Variants in DIP2A observed in about 807,000 individuals in gnomAD.
DIP2A encodes the protein disco-interacting protein 2 homolog A.
In DIP2A, 85 loss-of-function variants were observed where a neutral mutation model predicts 177.4. The ratio of observed to expected loss-of-function variants is 0.48; its 90% CI spans 0.40 to 0.57. DIP2A has a LOEUF of 0.57. Ranked by LOEUF, DIP2A falls within the 20% of genes least tolerant of loss-of-function variation. DIP2A has a pLI of 0.00. For missense variants in DIP2A, 1,791 were observed against 2,100.2 expected (o/e 0.85, Z 2.88); for synonymous variants, 886 against 881.8 (o/e 1.00, Z -0.08).
Position 46,557,029 on chromosome 21 carries a change from C to T in DIP2A, c.3589C>T (p.Pro1197Ser). Residue 1197 changes from proline to serine, a missense_variant, in exon 30 of 38, where the codon CCC becomes TCC. Pro to Ser is a moderately conservative substitution (Grantham distance 74). Transcript: ENST00000417564. This position sits in a 1 kb window ranked among gnomAD's most constrained non-coding sequence, Gnocchi z 6.0. Reference protein sequence around the residue: ...PSRQIAICLDPYCGLGFALWC... With the variant: ...PSRQIAICLDSYCGLGFALWC... Reference sequence around the variant, plus strand: ...GCGGCAGATCGCCATCTGCCTCGACCCCTACTGTGGCCTTGGTTTTGCCCT... The same window carrying T: ...GCGGCAGATCGCCATCTGCCTCGACTCCTACTGTGGCCTTGGTTTTGCCCT... 1 of 1,605,282 alleles carries T rather than the reference C, an allele frequency of 6.2e-7. No individual in the cohort carries two copies. Among genetic ancestry groups the T allele is most frequent in the Non-Finnish European group, 8.5e-7 (1 of 1,176,130 alleles).
At chr21:46,479,539 AT>A (rs920724272) in intron 1 of DIP2A, among the ~76,000 whole-genome samples, 9 of 151,256 alleles carry the variant, frequency 6.0e-5, no homozygotes, top group South Asian at 2.1e-4. Context: ...TAATTTGCTT[AT>A]TTTTTTTTAA....
At position 46,561,078 on chromosome 21, in the gene DIP2A, G is replaced by A. The variant is rs147393304; in HGVS notation, c.4031+295G>A. ...GGCTGCAGTTAACATCCCTTTATCT[G>A]TCACACAACCAGGAAGAATAAGAGT... is the stretch of plus-strand genomic sequence containing the variant. On this transcript the variant is annotated intron_variant, in intron 33 of 37. Transcript: ENST00000417564. The A allele has an allele frequency of 7.2e-3, 6,592 of 920,492 alleles. 29 individuals are homozygous for A. Among genetic ancestry groups the A allele is most frequent in the Non-Finnish European group, 8.0e-3 (6,136 of 770,772 alleles). 57.0% of individuals were successfully genotyped at this position (920,492 alleles called of 1,614,324 possible). A position where few individuals can be genotyped will look rare whatever the true frequency, so the allele number is the denominator to read the frequency against.
chr21:46,534,120 A>G lies in DIP2A; in HGVS notation c.1539+7A>G. ...TGGGACTGCCTACATTGAGGTAATGACTGTTCCTAACTTAGAGAATGTAAA... is the reference window on the plus strand; with the variant it reads ...TGGGACTGCCTACATTGAGGTAATGGCTGTTCCTAACTTAGAGAATGTAAA... On this transcript the variant is annotated splice_region_variant and intron_variant, in intron 12 of 37. Transcript: ENST00000417564. The G allele has an allele frequency of 6.3e-7, 1 of 1,597,572 alleles. No homozygotes were observed. The highest frequency in any genetic ancestry group is 8.6e-7 in the Non-Finnish European group (1 of 1,165,698).
chr21:46,553,761 C>G (rs1398827281), intron 25 of DIP2A: 1 of 161,378 alleles, frequency 6.2e-6, no homozygotes, highest in Non-Finnish European at 1.4e-5. Context: ...TGGCTCTGCC[C>G]TGGGTGAATG....
intron 6 of DIP2A, among the ~76,000 whole-genome samples, chr21:46,509,019 A>G (rs1289571756): frequency 6.6e-6 from 1 of 151,890 alleles, no homozygotes; most frequent in Non-Finnish European, 1.5e-5. Flanking sequence ...CTCCGTCTAA[A>G]GCAAAAAAAC....
downstream of DIP2A, among the ~76,000 whole-genome samples, chr21:46,570,145 T>C (rs1268696416): frequency 1.3e-5 from 2 of 152,236 alleles, no homozygotes; most frequent in Non-Finnish European, 2.9e-5. Flanking sequence ...GATGCACGTT[T>C]ACACTGCCAT....
chr21:46,575,164 A>AG, the DIP2A span, among the ~76,000 whole-genome samples: 6 of 152,292 alleles, frequency 3.9e-5, no homozygotes, highest in Non-Finnish European at 7.4e-5. Context: ...AATGGAATGA[A>AG]GGGGAAAAAC....
chr21:46,546,902 C>T lies in DIP2A; in HGVS notation c.2395-13C>T. The T allele has an allele frequency of 6.2e-7, 1 of 1,613,488 alleles. No individual in the cohort carries two copies. The highest frequency in any genetic ancestry group is 8.5e-7 in the Non-Finnish European group (1 of 1,179,644). On this transcript the variant is annotated splice_polypyrimidine_tract_variant and intron_variant, in intron 20 of 37. Transcript: ENST00000417564. ...CGTGTGGGTGGAGTCTTGACGCACA[C>T]CCTTTCCCTCAGGACAACCTGGTCT...
At chr21:46,565,064 G>T (rs533986204) in intron 35 of DIP2A, among the ~76,000 whole-genome samples, 30 of 152,364 alleles carry the variant, frequency 2.0e-4, no homozygotes, top group Non-Finnish European at 4.0e-4. Context: ...ACTGACCGTG[G>T]GTTCTGGACG....
chr21:46,525,441 C>G (rs962173975), intron 8 of DIP2A, among the ~76,000 whole-genome samples: 1 of 152,156 alleles, frequency 6.6e-6, no homozygotes, highest in Admixed American at 6.5e-5. Flanking sequence ...CGTGGGTCAT[C>G]AGTTGAGTTG....
chr21:46,547,005 C>T lies in DIP2A; in HGVS notation c.2485C>T (p.Leu829=), dbSNP rs372643493. ...HNADDVVATA[L]AVEPMKFVYR... ...TGCAGATGACGTTGTGGCCACCGCA[C>T]TGGCCGTGGAGCCCATGAAGTTTGT... Residue 829 remains leucine (L), a synonymous_variant, in exon 21 of 38, where the codon CTG becomes TTG. Transcript: ENST00000417564. The T allele has an allele frequency of 3.3e-5, 54 of 1,613,902 alleles. No homozygotes were observed. In the Middle Eastern group the frequency reaches 6.6e-4, roughly 20 times the overall value.
In DIP2A at chr21:46,546,905, T is replaced by C; in HGVS notation, c.2395-10T>C. The C allele has an allele frequency of 6.2e-7, 1 of 1,613,490 alleles. No individual in the cohort carries two copies. The highest frequency in any genetic ancestry group is 1.1e-5 in the South Asian group (1 of 90,994). ...GTGGGTGGAGTCTTGACGCACACCCTTTCCCTCAGGACAACCTGGTCTTCA... is the reference window on the plus strand; with the variant it reads ...GTGGGTGGAGTCTTGACGCACACCCCTTCCCTCAGGACAACCTGGTCTTCA... On this transcript the variant is annotated splice_polypyrimidine_tract_variant and intron_variant, in intron 20 of 37. Transcript: ENST00000417564.
chr21:46,526,247 C>G (rs547763680), intron 8 of DIP2A, among the ~76,000 whole-genome samples: 3 of 152,166 alleles, frequency 2.0e-5, no homozygotes, highest in East Asian at 1.9e-4. Context: ...CCTTGGACAT[C>G]TGTCCCTCCA....
chr21:46,582,367 G>C, the DIP2A span, among the ~76,000 whole-genome samples: 25 of 152,306 alleles, frequency 1.6e-4, 1 homozygote, highest in African/African-American at 5.8e-4. Flanking sequence ...AGTTGTCTTA[G>C]GCAGTCTCTA....
At chr21:46,478,970 G>T (rs1601409276) in intron 1 of DIP2A, among the ~76,000 whole-genome samples, 1 of 152,142 alleles carries the variant, frequency 6.6e-6, no homozygotes, top group Non-Finnish European at 1.5e-5. Context: ...GCATCTGGTA[G>T]GTAGATAGGT....
At chr21:46,495,669 A>C (rs1208407033) in intron 3 of DIP2A, among the ~76,000 whole-genome samples, 1 of 151,870 alleles carries the variant, frequency 6.6e-6, no homozygotes, top group Non-Finnish European at 1.5e-5. Context: ...AGGCAGTGGT[A>C]CAGGCATAGC....
At chr21:46,504,277 TTAGAC>T in intron 5 of DIP2A, 79 bp from the exon 6 acceptor site, 1 of 1,550,176 alleles carries the variant, frequency 6.5e-7, no homozygotes, top group Non-Finnish European at 8.8e-7. Flanking sequence ...TAGTGGAGCT[TTAGAC>T]TAACGGGGTT....
At chr21:46,543,260 T>G (rs1353342407) in intron 18 of DIP2A, among the ~76,000 whole-genome samples, 1 of 152,196 alleles carries the variant, frequency 6.6e-6, no homozygotes, top group Non-Finnish European at 1.5e-5. Context: ...ACTTATTTAC[T>G]CATGGGGAAA....
intron 8 of DIP2A, among the ~76,000 whole-genome samples, chr21:46,524,359 A>G (rs1346411318): frequency 6.6e-6 from 1 of 152,020 alleles, no homozygotes; most frequent in Non-Finnish European, 1.5e-5. Flanking sequence ...CCTTTAACCC[A>G]CTCTGTCTTA....
Sources: allele counts gnomAD v4.1 joint callset (sites outside exome capture counted in the v4.1 genomes callset), GRCh38; gene constraint gnomAD v4.1.1; non-coding constraint Gnocchi (gnomAD v3.1); transcripts MANE v1.5; gene names NCBI Gene and HGNC (gene_info 2026-07-23, HGNC 2026-07-21).